The following SGCD variants were observed in gnomAD, a reference collection of about 807,000 sequenced individuals.
The protein encoded by SGCD is sarcoglycan delta.
In SGCD, 18 loss-of-function variants were observed where a neutral mutation model predicts 36.6. That is an observed-to-expected ratio of 0.49 (90% CI 0.34 to 0.73). The LOEUF (loss-of-function observed/expected upper bound fraction) is 0.73. Among genes scored for constraint, SGCD ranks in the 30% least tolerant of loss-of-function variants. SGCD has a pLI of 0.01. For missense variants in SGCD, 387 were observed against 346.7 expected, an observed-to-expected ratio of 1.12 and a Z score of -0.92; for synonymous variants, 133 against 130.6, an observed-to-expected ratio of 1.02 and a Z score of -0.12.
chr5:156,139,946 C>T (rs989836339), intron 3 of SGCD, among the ~76,000 whole-genome samples: 2 of 152,188 alleles, frequency 1.3e-5, no homozygotes, highest in Admixed American at 6.5e-5. Context: ...GAAGTGCTCT[C>T]TGTCATTTCA....
intron 1 of SGCD, among the ~76,000 whole-genome samples, chr5:155,893,736 A>T (rs1385680893): frequency 1.3e-5 from 2 of 152,232 alleles, no homozygotes; most frequent in Non-Finnish European, 1.5e-5. Flanking sequence ...GTCATGTGCC[A>T]CTTAACAACA....
chr5:156,720,140 T>C (rs1335346387), intron 7 of SGCD, among the ~76,000 whole-genome samples: 1 of 152,208 alleles, frequency 6.6e-6, no homozygotes, highest in Non-Finnish European at 1.5e-5. Flanking sequence ...TTTGTGTACA[T>C]CACTTTTTAT....
At chr5:155,994,147 G>A (rs1479284890) in intron 1 of SGCD, among the ~76,000 whole-genome samples, 2 of 152,178 alleles carry the variant, frequency 1.3e-5, no homozygotes, top group African/African-American at 2.4e-5. Flanking sequence ...CCACAGACAT[G>A]CTAGACATCA....
intron 3 of SGCD, among the ~76,000 whole-genome samples, chr5:156,281,199 C>A (rs557672222): frequency 6.6e-6 from 1 of 152,110 alleles, no homozygotes; most frequent in Non-Finnish European, 1.5e-5. Flanking sequence ...CTACCACATT[C>A]ATTTAGGGAT....
At chr5:156,061,821 G>C (rs908521678) in intron 1 of SGCD, among the ~76,000 whole-genome samples, 1 of 144,964 alleles carries the variant, frequency 6.9e-6, no homozygotes, top group Non-Finnish European at 1.6e-5. Context: ...ACATGTGTTG[G>C]AGTGTTCCTC....
intron 3 of SGCD, among the ~76,000 whole-genome samples, chr5:156,478,800 C>G (rs2135031): frequency 0.39 from 59,253 of 151,888 alleles, 12,364 homozygotes; most frequent in Middle Eastern, 0.66. Context: ...AGGTTGGTCT[C>G]GAACTCCCAA....
At chr5:156,428,948 A>T (rs530906395) in intron 3 of SGCD, among the ~76,000 whole-genome samples, 1 of 151,986 alleles carries the variant, frequency 6.6e-6, no homozygotes, top group Non-Finnish European at 1.5e-5. Flanking sequence ...TTTTTTTGTG[A>T]CTTAGCATAT....
rs1764190365 is a variant in SGCD at position 156,203,057 on chromosome 5, G to T, written c.-44+79038G>T. On this transcript the variant is annotated intron_variant, in intron 3 of 9. Transcript: ENST00000517913. ...TTGAAAGGATGCATCATATCCCAAA[G>T]ATTTTAATCATAAAACTTTTTAAAT... is the stretch of plus-strand genomic sequence containing the variant. Among the ~76,000 whole-genome samples the T allele has an allele frequency of 2.0e-5, 3 of 152,228 alleles. No individual in the cohort carries two copies. In the South Asian group the frequency reaches 6.2e-4, roughly 32 times the overall value.
chr5:156,101,902 CTGTGTG>C (rs36187985), intron 1 of SGCD, among the ~76,000 whole-genome samples: 506 of 108,092 alleles, frequency 4.7e-3, no homozygotes, highest in Middle Eastern at 9.4e-3. Context: ...GTGTCTCCAG[CTGTGTG>C]TGTGTGTGTG....
intron 1 of SGCD, among the ~76,000 whole-genome samples, chr5:156,087,927 A>G (rs1318824760): frequency 6.6e-6 from 1 of 152,302 alleles, no homozygotes; most frequent in East Asian, 1.9e-4. Context: ...TGAGCCCAGG[A>G]GAGGCCCACT....
chr5:156,060,188 G>A (rs76668083), intron 1 of SGCD, among the ~76,000 whole-genome samples: 10,434 of 146,300 alleles, frequency 0.071, 1,675 homozygotes, highest in African/African-American at 0.23. Context: ...GTCCTATAAG[G>A]TGTGCAGGAG....
Position 156,139,850 on chromosome 5 carries a change from A to G in SGCD, c.-44+15831A>G, listed in dbSNP as rs1456115588. ...TTGCAATGCAACATTGTTAAAGGGTAATGGCCTTTGGGAGGTGACTAAATC... is the reference window on the plus strand; with the variant it reads ...TTGCAATGCAACATTGTTAAAGGGTGATGGCCTTTGGGAGGTGACTAAATC... On this transcript the variant is annotated intron_variant, in intron 3 of 9. Coordinates refer to the SGCD transcript ENST00000517913. 1.3e-5 allele frequency among the ~76,000 whole-genome samples: 2 copies of G among 152,214 alleles called. 1 individual carries two copies. The highest frequency in any genetic ancestry group is 2.9e-5 in the Non-Finnish European group (2 of 68,038).
In SGCD at chr5:156,506,454, G is replaced by A. The variant is rs77095900; in HGVS notation, c.193-2147G>A. 7.8e-3 allele frequency among the ~76,000 whole-genome samples: 1,192 copies of A among 152,172 alleles called. 25 individuals are homozygous for A. Among genetic ancestry groups the A allele is most frequent in the African/African-American group, 0.026 (1,076 of 41,512 alleles). ...TAACAATCAGTATTCAAAGCTCCCA[G>A]TTGTGGTTTCTAAATACCATTTCCC... On this transcript the variant is annotated intron_variant, in intron 3 of 8. Transcript: ENST00000337851.
At chr5:155,842,563 C>A in the SGCD span, among the ~76,000 whole-genome samples, 1 of 151,540 alleles carries the variant, frequency 6.6e-6, no homozygotes, top group Admixed American at 6.6e-5. Flanking sequence ...CAGAGTGAGA[C>A]TCCATCTCAA....
At chr5:156,635,413 G>A (rs4331879) in intron 6 of SGCD, among the ~76,000 whole-genome samples, 39,535 of 151,948 alleles carry the variant, frequency 0.26, 5,488 homozygotes, top group African/African-American at 0.36. Context: ...GTGGAGAAAT[G>A]GGATCACTTT....
chr5:156,731,283 T>C lies in SGCD; in HGVS notation c.576-26298T>C, dbSNP rs528430357. ...TTAGATCTCATTTGTCAATTTTTGC[T>C]TTTGGTGTTTCATCATTAAATCTTT... On this transcript the variant is annotated intron_variant, in intron 7 of 8. Transcript: ENST00000337851. Among the ~76,000 whole-genome samples, 3 of 152,300 alleles carry C rather than the reference T, an allele frequency of 2.0e-5. No individual in the cohort carries two copies. In the South Asian group the frequency reaches 6.2e-4, roughly 32 times the overall value.
At chr5:156,344,812 G>C (rs1471622455) in intron 3 of SGCD, 135 bp downstream of exon 3, 3 of 625,152 alleles carry the variant, frequency 4.8e-6, no homozygotes, top group Non-Finnish European at 8.2e-6. Context: ...TTTGGTGAAA[G>C]AGCATTTCTG....
At chr5:156,410,930 A>G (rs1389772330) in intron 3 of SGCD, among the ~76,000 whole-genome samples, 1 of 152,178 alleles carries the variant, frequency 6.6e-6, no homozygotes, top group African/African-American at 2.4e-5. Flanking sequence ...AAAAAAAAAC[A>G]TACAAAGGAT....
At chr5:155,935,341 T>C (rs1757173893) in intron 1 of SGCD, among the ~76,000 whole-genome samples, 1 of 152,232 alleles carries the variant, frequency 6.6e-6, no homozygotes, top group African/African-American at 2.4e-5. Context: ...AGGTCCATCT[T>C]CTTTTTGGTT....
Sources: gnomAD v4.1 joint callset for allele counts (sites outside exome capture counted in the v4.1 genomes callset) on GRCh38, gnomAD v4.1.1 for gene constraint, MANE v1.5 for transcripts, NCBI Gene and HGNC (gene_info 2026-07-23, HGNC 2026-07-21) for gene names.